TMEM71: variants seen among roughly 807,000 people sequenced by gnomAD.
TMEM71 encodes transmembrane protein 71.
TMEM71 carries 44 observed loss-of-function variants against 38.0 expected under a neutral mutation model. The observed-to-expected ratio is 1.16, with a 90% CI of 0.91 to 1.49. The LOEUF (loss-of-function observed/expected upper bound fraction) is 1.49, where lower values mean the gene tolerates loss of function less well. Ranked by LOEUF, TMEM71 falls within the 40% of genes most tolerant of loss-of-function variation. The pLI is 0.00. For synonymous variants in TMEM71, 133 were observed against 122.5 expected, an observed-to-expected ratio of 1.09 and a Z score of -0.56; for missense variants, 367 against 348.6, an observed-to-expected ratio of 1.05 and a Z score of -0.42.
chr8:132,746,486 T>C (rs10109393), intron 5 of TMEM71, among the ~76,000 whole-genome samples: 532 of 10,630 alleles, frequency 0.05, 10 homozygotes, highest in Middle Eastern at 0.21. Flanking sequence ...CATATATATA[T>C]ACATATATAT....
At chr8:132,728,138 G>T in intron 5 of TMEM71, 152 bp from the exon 6 acceptor site, 1 of 558,302 alleles carries the variant, frequency 1.8e-6, no homozygotes, top group East Asian at 3.2e-5. Context: ...TGGGATGGGA[G>T]AAGGATTTTT....
chr8:132,767,405 G>A, the TMEM71 span, among the ~76,000 whole-genome samples: 3 of 151,334 alleles, frequency 2.0e-5, no homozygotes, highest in Non-Finnish European at 4.4e-5. Flanking sequence ...AACTTTTCAT[G>A]CATTTGATTC....
At chr8:132,768,373 C>T in the TMEM71 span, among the ~76,000 whole-genome samples, 5 of 152,196 alleles carry the variant, frequency 3.3e-5, no homozygotes, top group South Asian at 2.1e-4. Context: ...CAGCAGGGCA[C>T]GGTGGCTTAC....
At chr8:132,736,803 C>T (rs1827772277) in intron 5 of TMEM71, among the ~76,000 whole-genome samples, 1 of 149,030 alleles carries the variant, frequency 6.7e-6, no homozygotes, top group Non-Finnish European at 1.5e-5. Context: ...TGCACCCCAG[C>T]CTGGGCAACA....
At chr8:132,713,284 T>C (rs1826332645) in intron 9 of TMEM71, among the ~76,000 whole-genome samples, 1 of 151,768 alleles carries the variant, frequency 6.6e-6, no homozygotes, top group Non-Finnish European at 1.5e-5. Context: ...ATGGGAAGCA[T>C]CACTCAAAAT....
At chr8:132,765,294 G>A (rs1244072749), upstream of TMEM71, among the ~76,000 whole-genome samples, 3 of 152,174 alleles carry the variant, frequency 2.0e-5, no homozygotes, top group Non-Finnish European at 4.4e-5. Context: ...GTTAGACTTT[G>A]CGGCAAGCTC....
chr8:132,762,317 C>T (rs530269027), upstream of TMEM71, among the ~76,000 whole-genome samples: 2 of 152,166 alleles, frequency 1.3e-5, no homozygotes, highest in African/African-American at 2.4e-5. Context: ...TCTTCTTCTC[C>T]TTTTCCTGTT....
intron 2 of TMEM71, 115 bp from the exon 3 acceptor site, chr8:132,757,409 G>C (rs1381874362): frequency 2.9e-6 from 2 of 700,810 alleles, no homozygotes; most frequent in Non-Finnish European, 4.9e-6. Context: ...TAAGAAGATG[G>C]GAATAGCTGA....
At chr8:132,773,158 T>C in the TMEM71 span, among the ~76,000 whole-genome samples, 1 of 152,206 alleles carries the variant, frequency 6.6e-6, no homozygotes, top group African/African-American at 2.4e-5. Context: ...GGTATGGAAC[T>C]GCACTGTGCA....
chr8:132,772,405 A>G, the TMEM71 span, among the ~76,000 whole-genome samples: 6 of 152,208 alleles, frequency 3.9e-5, no homozygotes, highest in African/African-American at 1.4e-4. Context: ...CATCTGGAAC[A>G]GGGTGTGCTG....
intron 3 of TMEM71, among the ~76,000 whole-genome samples, chr8:132,752,785 G>C (rs1229119737): frequency 2.0e-5 from 3 of 146,602 alleles, no homozygotes. Flanking sequence ...AAAAAAGGGA[G>C]AGAGAGAAGG....
downstream of TMEM71, among the ~76,000 whole-genome samples, chr8:132,707,085 G>C (rs1049372820): frequency 2.0e-5 from 3 of 152,162 alleles, no homozygotes; most frequent in Admixed American, 6.5e-5. Flanking sequence ...CAAGACAAAT[G>C]ATGCAGTTTT....
chr8:132,707,951 C>A (rs965521052), downstream of TMEM71, among the ~76,000 whole-genome samples: 1 of 152,138 alleles, frequency 6.6e-6, no homozygotes, highest in Non-Finnish European at 1.5e-5. Flanking sequence ...AGGGGCTAGA[C>A]TGGCTCTTGG....
chr8:132,733,096 C>A (rs931577346), intron 5 of TMEM71, among the ~76,000 whole-genome samples: 19 of 152,164 alleles, frequency 1.2e-4, no homozygotes, highest in African/African-American at 4.6e-4. Context: ...GAGGACAGAT[C>A]ATAATTTATG....
intron 8 of TMEM71, 26 bp downstream of exon 8, chr8:132,714,128 C>A: frequency 6.2e-7 from 1 of 1,610,114 alleles, no homozygotes; most frequent in South Asian, 1.1e-5. Flanking sequence ...GGCATCATTG[C>A]AGTAATCTGG....
At position 132,747,092 on chromosome 8, in the gene TMEM71, T is replaced by G. The variant is rs1828433639; in HGVS notation, c.337A>C (p.Ile113Leu). The part of the protein sequence containing the change: ...LVRIFRKKKR[I>L]CHSFSSLFNL... Reference sequence around the variant, plus strand: ...AAGAGAGAAGAAAAGGAATGGCAGATTCTCTTTTTCTTTCTAAATATCCTA... The same window carrying G: ...AAGAGAGAAGAAAAGGAATGGCAGAGTCTCTTTTTCTTTCTAAATATCCTA... The change falls in exon 5 of 10, where the codon ATC becomes CTC. Residue 113 changes from isoleucine (I) to leucine (L), a missense_variant. Ile to Leu is a conservative substitution (Grantham distance 5). Coordinates refer to ENST00000677595, the MANE Select transcript of TMEM71 (RefSeq NM_001382403.1). 1 of 1,606,376 alleles carries G rather than the reference T, an allele frequency of 6.2e-7. No homozygotes were observed. The highest frequency in any genetic ancestry group is 1.3e-5 in the African/African-American group (1 of 74,364).
the TMEM71 span, among the ~76,000 whole-genome samples, chr8:132,773,312 T>C: frequency 6.6e-6 from 1 of 152,196 alleles, no homozygotes; most frequent in African/African-American, 2.4e-5. Context: ...TTACTAAGCC[T>C]ATACAATTCA....
intron 7 of TMEM71, among the ~76,000 whole-genome samples, chr8:132,715,250 CA>C (rs71299031): frequency 4.6e-4 from 66 of 142,690 alleles, no homozygotes; most frequent in Non-Finnish European, 3.5e-4. Context: ...ACTAAAAATG[CA>C]AAAAAAAAAA....
chr8:132,775,200 T>C, the TMEM71 span, among the ~76,000 whole-genome samples: 10 of 151,934 alleles, frequency 6.6e-5, no homozygotes, highest in East Asian at 1.9e-3. Context: ...AGAGCTCGCG[T>C]TCTTTCCTCC....
Sources: gnomAD v4.1 joint callset for allele counts (sites outside exome capture counted in the v4.1 genomes callset) on GRCh38, gnomAD v4.1.1 for gene constraint, MANE v1.5 for transcripts, NCBI Gene and HGNC (gene_info 2026-07-23, HGNC 2026-07-21) for gene names.